EDARADD: variants seen among roughly 807,000 people sequenced by gnomAD.
The protein encoded by EDARADD is EDAR associated via death domain.
In EDARADD, 20 loss-of-function variants were observed where a neutral mutation model predicts 25.6. That is an observed-to-expected ratio of 0.78 (90% CI 0.55 to 1.14). The LOEUF (loss-of-function observed/expected upper bound fraction) is 1.14, where lower values mean the gene tolerates loss of function less well. EDARADD is among the 50% of genes most tolerant of loss of function. EDARADD has a pLI of 0.00. For synonymous variants in EDARADD, 86 were observed against 94.4 expected, an observed-to-expected ratio of 0.91 and a Z score of 0.52; for missense variants, 225 against 270.1, an observed-to-expected ratio of 0.83 and a Z score of 1.17.
chr1:236,470,345 A>T (rs1659326228), intron 5 of EDARADD, among the ~76,000 whole-genome samples: 1 of 152,204 alleles, frequency 6.6e-6, no homozygotes, highest in Non-Finnish European at 1.5e-5. Flanking sequence ...ATTTGCTATG[A>T]CAAGCACATA....
At chr1:236,399,124 G>A (rs116114916) in intron 1 of EDARADD, among the ~76,000 whole-genome samples, 23 of 152,256 alleles carry the variant, frequency 1.5e-4, no homozygotes, top group African/African-American at 3.4e-4. Context: ...GTATATCCAC[G>A]TGCATATAAC....
At chr1:236,457,678 G>A (rs1175461859) in intron 4 of EDARADD, among the ~76,000 whole-genome samples, 1 of 151,972 alleles carries the variant, frequency 6.6e-6, no homozygotes, top group Non-Finnish European at 1.5e-5. Flanking sequence ...AATTAGCCGG[G>A]TGTAGTGGTG....
chr1:236,395,520 C>T lies in EDARADD; in HGVS notation c.61+1015C>T. The T allele has an allele frequency of 6.5e-7, 1 of 1,534,258 alleles. No individual in the cohort carries two copies. The highest frequency in any genetic ancestry group is 1.4e-5 in the African/African-American group (1 of 72,778). ...GGGCGCGCAGAGCCACGGTTTGCTCCAGGCGCGTCGGAACCGCAGGACTTT... is the reference window on the plus strand; with the variant it reads ...GGGCGCGCAGAGCCACGGTTTGCTCTAGGCGCGTCGGAACCGCAGGACTTT... On this transcript the variant is annotated intron_variant, in intron 1 of 5. Coordinates refer to ENST00000334232, the MANE Select transcript of EDARADD (RefSeq NM_145861.4). This position sits in a 1 kb window ranked among gnomAD's most constrained non-coding sequence, Gnocchi z 6.9.
At chr1:236,462,044 C>T (rs1047208008) in intron 4 of EDARADD, among the ~76,000 whole-genome samples, 3 of 152,134 alleles carry the variant, frequency 2.0e-5, no homozygotes, top group Non-Finnish European at 2.9e-5. Flanking sequence ...CTGCTGGGCA[C>T]TGCAGGACAG....
chr1:236,349,566 A>G (rs1271889011), intron 2 of EDARADD, among the ~76,000 whole-genome samples: 1 of 152,150 alleles, frequency 6.6e-6, no homozygotes, highest in African/African-American at 2.4e-5. Flanking sequence ...CTTCCAGGCT[A>G]TAGGTAAATT....
intron 4 of EDARADD, among the ~76,000 whole-genome samples, chr1:236,451,282 T>C (rs755829089): frequency 1.4e-4 from 22 of 152,310 alleles, no homozygotes; most frequent in South Asian, 4.1e-4. Flanking sequence ...TCAGTCAGCT[T>C]TCTCCTCGGT....
intron 4 of EDARADD, among the ~76,000 whole-genome samples, chr1:236,458,454 A>G (rs1003556208): frequency 1.3e-5 from 2 of 152,184 alleles, no homozygotes; most frequent in African/African-American, 4.8e-5. Flanking sequence ...GAACATGGCC[A>G]TGACTAAGGA....
At chr1:236,406,612 A>G (rs1302970030) in intron 1 of EDARADD, among the ~76,000 whole-genome samples, 2 of 152,196 alleles carry the variant, frequency 1.3e-5, no homozygotes, top group Non-Finnish European at 2.9e-5. Flanking sequence ...TGGTGAGAAG[A>G]TGGTGGTCTA....
At chr1:236,412,322 C>T (rs879759536) in intron 2 of EDARADD, among the ~76,000 whole-genome samples, 4 of 152,188 alleles carry the variant, frequency 2.6e-5, no homozygotes, top group East Asian at 1.9e-4. Flanking sequence ...CTCCCTTCTC[C>T]GTAGCCCAAT....
chr1:236,429,450 T>C (rs1433800914), intron 4 of EDARADD, among the ~76,000 whole-genome samples: 1 of 151,860 alleles, frequency 6.6e-6, no homozygotes, highest in Non-Finnish European at 1.5e-5. Flanking sequence ...CGATCTCGGC[T>C]CACTGCAAGC....
At chr1:236,461,416 A>G (rs74451144) in intron 4 of EDARADD, among the ~76,000 whole-genome samples, 1 of 152,078 alleles carries the variant, frequency 6.6e-6, no homozygotes, top group African/African-American at 2.4e-5. Context: ...TGTCTTTTTC[A>G]CCAGTGTATG....
chr1:236,447,183 T>TCTTA, intron 4 of EDARADD, among the ~76,000 whole-genome samples: 1 of 43,714 alleles, frequency 2.3e-5, no homozygotes, highest in Non-Finnish European at 5.3e-5. Context: ...TTTCTTTCTT[T>TCTTA]CTTTCTTTCT....
At chr1:236,447,166 C>G (rs1341119124) in intron 4 of EDARADD, among the ~76,000 whole-genome samples, 1 of 115,082 alleles carries the variant, frequency 8.7e-6, no homozygotes, top group Non-Finnish European at 1.7e-5. Flanking sequence ...CCCTCCCTCC[C>G]TCCCTCTTTC....
At chr1:236,382,520 A>T (rs1486153132) in intron 3 of EDARADD, among the ~76,000 whole-genome samples, 1 of 152,124 alleles carries the variant, frequency 6.6e-6, no homozygotes, top group Non-Finnish European at 1.5e-5. Context: ...AAGTCTGGTA[A>T]TCATTGTATT....
At chr1:236,369,247 G>T (rs1667147230) in intron 3 of EDARADD, among the ~76,000 whole-genome samples, 1 of 152,158 alleles carries the variant, frequency 6.6e-6, no homozygotes, top group African/African-American at 2.4e-5. Context: ...TAACTTGCTG[G>T]GACTTTGACT....
At chr1:236,428,760 G>C (rs529312073) in intron 4 of EDARADD, among the ~76,000 whole-genome samples, 1 of 149,992 alleles carries the variant, frequency 6.7e-6, no homozygotes, top group South Asian at 2.1e-4. Flanking sequence ...CTGCAATCTC[G>C]GCACTTTGGG....
In EDARADD at chr1:236,395,453, A is replaced by AAGG. The variant is rs1049935321; in HGVS notation, c.61+954_61+956dup. The AAGG allele has an allele frequency of 5.4e-6, 8 of 1,481,716 alleles. No individual in the cohort carries two copies. The highest frequency in any genetic ancestry group is 7.2e-6 in the Non-Finnish European group (8 of 1,118,528). 91.8% of individuals were successfully genotyped at this position (1,481,716 alleles called of 1,614,324 possible). ...AGGAAGTGAGCTCGTGGAAGAAGCG[A>AAGG]AGGAGGAGAAGAAGAAGGGAGGGGA... On this transcript the variant is annotated intron_variant, in intron 1 of 5. Coordinates refer to ENST00000334232, the MANE Select transcript of EDARADD (RefSeq NM_145861.4). The surrounding 1 kb of genome is among the most constrained non-coding windows in gnomAD (Gnocchi z 6.9).
At chr1:236,470,738 A>G (rs1033677629) in intron 5 of EDARADD, among the ~76,000 whole-genome samples, 5 of 152,008 alleles carry the variant, frequency 3.3e-5, no homozygotes, top group African/African-American at 1.2e-4. Context: ...CCTCCTGAGT[A>G]GCTGGGATTA....
At chr1:236,481,424 T>C (rs1659667109) in intron 5 of EDARADD, among the ~76,000 whole-genome samples, 1 of 151,990 alleles carries the variant, frequency 6.6e-6, no homozygotes. Flanking sequence ...AAACTGGCTT[T>C]AAAAATTCTT....
Sources: gnomAD v4.1 joint callset for allele counts (sites outside exome capture counted in the v4.1 genomes callset) on GRCh38, gnomAD v4.1.1 for gene constraint, Gnocchi (gnomAD v3.1) non-coding constraint, MANE v1.5 for transcripts, NCBI Gene and HGNC (gene_info 2026-07-23, HGNC 2026-07-21) for gene names.